Variants in PHC1 observed in about 807,000 individuals in gnomAD.
The protein encoded by PHC1 is polyhomeotic-like protein 1.
PHC1 carries 12 observed loss-of-function variants against 104.3 expected under a neutral mutation model. The observed-to-expected ratio is 0.12, with a 90% CI of 0.07 to 0.19. The LOEUF (loss-of-function observed/expected upper bound fraction) is 0.19, where lower values mean the gene tolerates loss of function less well. Among genes scored for constraint, PHC1 ranks in the 10% least tolerant of loss-of-function variants. PHC1 has a pLI of 1.00. For missense variants in PHC1, 671 were observed against 1,200.0 expected (o/e 0.56, Z 6.51); for synonymous variants, 302 against 455.8 (o/e 0.66, Z 4.30).
At chr12:8,938,996 T>C (rs1389802079) in intron 14 of PHC1, among the ~76,000 whole-genome samples, 1 of 152,136 alleles carries the variant, frequency 6.6e-6, no homozygotes, top group Non-Finnish European at 1.5e-5. Context: ...CAGCTGATTT[T>C]TGTATGTTTT....
At chr12:8,932,457 C>A in intron 7 of PHC1, 106 bp from the exon 8 acceptor site, 1 of 1,245,006 alleles carries the variant, frequency 8.0e-7, no homozygotes, top group Non-Finnish European at 1.1e-6. Context: ...CCGCATAATT[C>A]CAAAACTAGG....
chr12:8,927,489 C>A (rs935537285), intron 6 of PHC1, among the ~76,000 whole-genome samples: 3 of 151,924 alleles, frequency 2.0e-5, no homozygotes, highest in Admixed American at 2.0e-4. Context: ...GGACTGATTG[C>A]CTTTTGATAG....
At chr12:8,934,071 T>A in intron 9 of PHC1, 59 bp downstream of exon 9, 1 of 1,577,634 alleles carries the variant, frequency 6.3e-7, no homozygotes, top group Non-Finnish European at 8.7e-7. Flanking sequence ...ATGTTCTGAG[T>A]GAGCTAAAAG....
At chr12:8,938,664 T>G (rs1257884660) in intron 14 of PHC1, among the ~76,000 whole-genome samples, 3 of 152,170 alleles carry the variant, frequency 2.0e-5, no homozygotes, top group African/African-American at 7.2e-5. Context: ...TCTGGGCCCT[T>G]AAACAAAAAT....
chr12:8,928,187 C>T (rs1257497557), intron 6 of PHC1, among the ~76,000 whole-genome samples: 1 of 152,076 alleles, frequency 6.6e-6, no homozygotes, highest in African/African-American at 2.4e-5. Flanking sequence ...GGATTATAGG[C>T]GTGAGCCACT....
chr12:8,918,864 G>C (rs1264826130), intron 2 of PHC1, among the ~76,000 whole-genome samples: 1 of 152,148 alleles, frequency 6.6e-6, no homozygotes, highest in East Asian at 1.9e-4. Flanking sequence ...TTGTAATTGC[G>C]TGACTGTCAT....
Position 8,933,885 on chromosome 12 carries a change from T to C in PHC1, c.1914T>C (p.Ala638=), listed in dbSNP as rs756907086. The change falls in exon 9 of 15, where the codon GCT becomes GCC. Residue 638 remains alanine, a synonymous_variant. Transcript: ENST00000544916. ...TATAGGGTAAACCCCAGACATTGGC[T>C]GTCAAACGCAAGGCTGACTCTGAGG... The part of the protein sequence containing the change: ...VHLPGKPQTL[A]VKRKADSEEE... The C allele has an allele frequency of 1.9e-6, 3 of 1,613,644 alleles. No individual in the cohort carries two copies.
rs1945345377 is a variant in PHC1 at position 8,920,968 on chromosome 12, C to T, written c.226-17C>T. On this transcript the variant is annotated splice_polypyrimidine_tract_variant and intron_variant, in intron 3 of 14. Transcript: ENST00000544916. Reference sequence around the variant, plus strand: ...TCACTGTCTTTGCTATTTCTTGTTTCCCTTCCCCTTTAATAGGCCACAATT... The same window carrying T: ...TCACTGTCTTTGCTATTTCTTGTTTTCCTTCCCCTTTAATAGGCCACAATT... 3 of 1,589,920 alleles carry T rather than the reference C, an allele frequency of 1.9e-6. No individual in the cohort carries two copies. Among genetic ancestry groups the T allele is most frequent in the Non-Finnish European group, 2.6e-6 (3 of 1,164,008 alleles).
upstream of PHC1, among the ~76,000 whole-genome samples, chr12:8,914,260 C>A (rs1371117325): frequency 6.6e-6 from 1 of 152,084 alleles, no homozygotes; most frequent in Admixed American, 6.5e-5. Flanking sequence ...TAGTTTCGTC[C>A]TTCCAACCGG....
Position 8,937,221 on chromosome 12 carries a change from A to G in PHC1, c.2523A>G (p.Lys841=). ...CSHQFRLKRK[K]MKEFQEANYA... ...ATCAGTTCCGGCTGAAGAGGAAAAA[A>G]ATGAAAGAGTTTCAAGAAGCCAACT... The change falls in exon 13 of 15, where the codon AAA becomes AAG. Residue 841 remains lysine, a synonymous_variant. Transcript: ENST00000544916. The G allele has an allele frequency of 6.2e-7, 1 of 1,613,728 alleles. No homozygotes were observed. The highest frequency in any genetic ancestry group is 8.5e-7 in the Non-Finnish European group (1 of 1,179,788).
At chr12:8,925,765 T>C (rs1945496221) in intron 6 of PHC1, among the ~76,000 whole-genome samples, 1 of 152,170 alleles carries the variant, frequency 6.6e-6, no homozygotes, top group Non-Finnish European at 1.5e-5. Flanking sequence ...TTGGAAGCTA[T>C]AGAAGGATTT....
intron 2 of PHC1, among the ~76,000 whole-genome samples, chr12:8,918,963 T>C (rs1945280413): frequency 6.6e-6 from 1 of 152,196 alleles, no homozygotes. Context: ...CTCCTGTGTA[T>C]GTAGTCTGCC....
At position 8,919,720 on chromosome 12, in the gene PHC1, G is replaced by A. The variant is rs753524488; in HGVS notation, c.115-36G>A. ...TTTACATAGAATAGGAGCTAGGAGT[G>A]GTCCATTCTAAATGTTTTATCCTCT... On this transcript the variant is annotated intron_variant, in intron 2 of 14. Transcript: ENST00000544916. This position sits in a 1 kb window ranked among gnomAD's most constrained non-coding sequence, Gnocchi z 4.9. 21 of 1,575,002 alleles carry A rather than the reference G, an allele frequency of 1.3e-5. No individual in the cohort carries two copies. The highest frequency in any genetic ancestry group is 8.7e-7 in the Non-Finnish European group (1 of 1,151,306).
At chr12:8,929,314 G>A (rs1396775059) in intron 6 of PHC1, among the ~76,000 whole-genome samples, 2 of 152,146 alleles carry the variant, frequency 1.3e-5, no homozygotes, top group East Asian at 3.9e-4. Flanking sequence ...AGATAAACTT[G>A]CTGTTCCCAA....
chr12:8,930,274 C>T (rs1945644548), intron 6 of PHC1, among the ~76,000 whole-genome samples, 161 bp from the exon 7 acceptor site: 1 of 152,170 alleles, frequency 6.6e-6, no homozygotes, highest in Non-Finnish European at 1.5e-5. Context: ...CAGAGTTCCT[C>T]CTTAGGAGGT....
At chr12:8,939,211 A>G in intron 14 of PHC1, 94 bp from the exon 15 acceptor site, 2 of 1,436,778 alleles carry the variant, frequency 1.4e-6, no homozygotes, top group South Asian at 1.2e-5. Flanking sequence ...TAGGACAGGT[A>G]CTTTGGAATT....
chr12:8,930,672 G>T lies in PHC1; in HGVS notation c.850G>T (p.Gly284Cys), dbSNP rs1200189106. The T allele has an allele frequency of 1.4e-6, 2 of 1,381,126 alleles. No individual in the cohort carries two copies. The highest frequency in any genetic ancestry group is 2.0e-6 in the Non-Finnish European group (2 of 1,008,520). 85.6% of individuals were successfully genotyped at this position (1,381,126 alleles called of 1,614,324 possible). A position where few individuals can be genotyped will look rare whatever the true frequency, so the allele number is the denominator to read the frequency against. ...CCCAGGGTCCATGGGTCCAGGTGGA[G>T]GTGGGCAGGCACATGGTGGTTTGGG... ...SIPGSMGPGGGGQAHGGLGQL... is the reference protein window; with the variant it reads ...SIPGSMGPGGCGQAHGGLGQL... The change falls in exon 7 of 15, where the codon GGT becomes TGT. Residue 284 changes from glycine (G) to cysteine (C), a missense_variant. This residue lies in a region of PHC1 where 78 missense variants were observed against 140.8 expected (regional missense o/e 0.55). Transcript: ENST00000544916.
In PHC1 at chr12:8,921,624, C is replaced by A; in HGVS notation, c.330C>A (p.Ala110=). ...AGATCAATCTGGCCACCACATCGGC[C>A]GCCCAGCTCATCAGCCGATCCCAGA... ...QASINLATTS[A]AQLISRSQSV... Residue 110 remains alanine (A), a synonymous_variant, in exon 5 of 15, where the codon GCC becomes GCA. Transcript: ENST00000544916. 2 of 1,613,694 alleles carry A rather than the reference C, an allele frequency of 1.2e-6. No individual in the cohort carries two copies. Among genetic ancestry groups the A allele is most frequent in the Non-Finnish European group, 1.7e-6 (2 of 1,179,850 alleles).
intron 2 of PHC1, among the ~76,000 whole-genome samples, chr12:8,918,660 G>A (rs557138286): frequency 1.6e-4 from 25 of 151,912 alleles, no homozygotes; most frequent in Admixed American, 1.4e-3. Flanking sequence ...TACATTAATC[G>A]GCATTTTGTT....
Sources: gnomAD v4.1 joint callset for allele counts (sites outside exome capture counted in the v4.1 genomes callset) on GRCh38, gnomAD v4.1.1 for gene constraint, gnomAD v4.1.1 regional missense constraint, Gnocchi (gnomAD v3.1) non-coding constraint, MANE v1.5 for transcripts, NCBI Gene and HGNC (gene_info 2026-07-23, HGNC 2026-07-21) for gene names.